KCNK13: variants seen among roughly 807,000 people sequenced by gnomAD.
KCNK13 encodes potassium two pore domain channel subfamily K member 13.
A neutral mutation model predicts 23.4 loss-of-function variants in KCNK13; 12 were observed. The observed-to-expected ratio is 0.51, with a 90% CI of 0.33 to 0.83. KCNK13 has a LOEUF of 0.83. KCNK13 is among the 40% of genes least tolerant of loss of function. KCNK13 has a pLI of 0.02. For synonymous variants in KCNK13, 231 were observed against 229.5 expected (o/e 1.01, Z -0.06); for missense variants, 463 against 556.3 (o/e 0.83, Z 1.69).
At chr14:90,151,486 T>A (rs1277718649) in intron 1 of KCNK13, among the ~76,000 whole-genome samples, 1 of 152,230 alleles carries the variant, frequency 6.6e-6, no homozygotes, top group African/African-American at 2.4e-5. Flanking sequence ...TTATCTGTTT[T>A]CTTGCTATTG....
intron 1 of KCNK13, among the ~76,000 whole-genome samples, chr14:90,133,439 C>G (rs1446155436): frequency 6.6e-6 from 1 of 151,914 alleles, no homozygotes; most frequent in African/African-American, 2.4e-5. Context: ...AGGGGTGATG[C>G]AAACGTTCAC....
chr14:90,104,773 G>A (rs1417194519), intron 1 of KCNK13, among the ~76,000 whole-genome samples: 2 of 147,476 alleles, frequency 1.4e-5, no homozygotes, highest in Admixed American at 6.8e-5. Flanking sequence ...TTGGGGATCA[G>A]CTACTTTCTT....
At chr14:90,128,961 C>G (rs773594459) in intron 1 of KCNK13, among the ~76,000 whole-genome samples, 18 of 152,166 alleles carry the variant, frequency 1.2e-4, no homozygotes, top group Admixed American at 7.2e-4. Flanking sequence ...CCTCCCCGCC[C>G]CCTAAGAGGG....
At chr14:90,168,172 G>A (rs919864322) in intron 1 of KCNK13, among the ~76,000 whole-genome samples, 3 of 152,092 alleles carry the variant, frequency 2.0e-5, no homozygotes, top group Non-Finnish European at 4.4e-5. Context: ...CCAGGAAGTC[G>A]AAGCCAGCCT....
intron 1 of KCNK13, among the ~76,000 whole-genome samples, chr14:90,175,541 G>A (rs1041544105): frequency 6.6e-6 from 1 of 152,160 alleles, no homozygotes; most frequent in East Asian, 1.9e-4. Context: ...GCCTCCTCTT[G>A]AAGCCCCTTT....
chr14:90,143,202 TCTTTC>T (rs1566644808), intron 1 of KCNK13, among the ~76,000 whole-genome samples: 1 of 131,012 alleles, frequency 7.6e-6, no homozygotes, highest in African/African-American at 2.7e-5. Context: ...TTCTTTCTTT[TCTTTC>T]TTTTCTTTTT....
chr14:90,072,544 CAG>C (rs1355707041), intron 1 of KCNK13, among the ~76,000 whole-genome samples: 1 of 152,150 alleles, frequency 6.6e-6, no homozygotes, highest in Non-Finnish European at 1.5e-5. Flanking sequence ...GGAGGGAGGA[CAG>C]GGAGCGCATA....
intron 1 of KCNK13, among the ~76,000 whole-genome samples, chr14:90,095,313 A>G (rs965674766): frequency 3.9e-5 from 6 of 152,208 alleles, no homozygotes; most frequent in African/African-American, 1.4e-4. Flanking sequence ...CTCCTAGGAA[A>G]CTAAAAAAAA....
chr14:90,107,765 G>A, intron 1 of KCNK13: 1 of 822,828 alleles, frequency 1.2e-6, no homozygotes, highest in South Asian at 1.3e-5. Flanking sequence ...GAGGACCCAA[G>A]AGATCCTCAG....
intron 1 of KCNK13, among the ~76,000 whole-genome samples, chr14:90,107,472 C>T (rs1253778052): frequency 2.6e-5 from 4 of 152,172 alleles, no homozygotes; most frequent in East Asian, 1.9e-4. Context: ...TGTGAGACTC[C>T]GTCTCAAAAA....
chr14:90,068,036 G>A (rs117095991), intron 1 of KCNK13, among the ~76,000 whole-genome samples: 11 of 152,222 alleles, frequency 7.2e-5, no homozygotes, highest in Admixed American at 2.6e-4. Context: ...TTGCCCCAGC[G>A]CTTCAGGCCT....
intron 1 of KCNK13, among the ~76,000 whole-genome samples, chr14:90,090,646 T>C (rs1484970396): frequency 6.6e-6 from 1 of 152,234 alleles, no homozygotes; most frequent in Non-Finnish European, 1.5e-5. Context: ...GGTTTGGCTG[T>C]GTCCCCACCC....
chr14:90,181,100 C>T (rs1422412310), intron 1 of KCNK13, among the ~76,000 whole-genome samples: 1 of 152,172 alleles, frequency 6.6e-6, no homozygotes, highest in Non-Finnish European at 1.5e-5. Flanking sequence ...CATGATCCGC[C>T]CACCTCGGCC....
chr14:90,138,804 A>G (rs529312498), intron 1 of KCNK13, among the ~76,000 whole-genome samples: 2 of 152,144 alleles, frequency 1.3e-5, no homozygotes, highest in Non-Finnish European at 2.9e-5. Flanking sequence ...TTTCTTTCCA[A>G]TTTGCACAGA....
intron 1 of KCNK13, among the ~76,000 whole-genome samples, chr14:90,157,469 C>T (rs554139494): frequency 4.7e-4 from 71 of 152,250 alleles, no homozygotes; most frequent in African/African-American, 1.7e-3. Flanking sequence ...AGTCATAGCT[C>T]ACTGCAGCCT....
chr14:90,120,871 C>A (rs1472026352), intron 1 of KCNK13, among the ~76,000 whole-genome samples: 1 of 152,142 alleles, frequency 6.6e-6, no homozygotes, highest in Non-Finnish European at 1.5e-5. Flanking sequence ...TCATCCGAGA[C>A]AAGGCAAGTC....
At chr14:90,079,489 G>T (rs1048711030) in intron 1 of KCNK13, among the ~76,000 whole-genome samples, 3 of 152,120 alleles carry the variant, frequency 2.0e-5, no homozygotes, top group Non-Finnish European at 4.4e-5. Flanking sequence ...GGCTGGTGGG[G>T]TAGAGGGGCC....
intron 1 of KCNK13, among the ~76,000 whole-genome samples, chr14:90,072,690 AT>A (rs1889090388): frequency 6.6e-6 from 1 of 152,178 alleles, no homozygotes; most frequent in Admixed American, 6.5e-5. Flanking sequence ...AACTCTTCTG[AT>A]TTCTGCGACT....
At chr14:90,101,706 C>T (rs893030254) in intron 1 of KCNK13, among the ~76,000 whole-genome samples, 5 of 139,504 alleles carry the variant, frequency 3.6e-5, no homozygotes, top group African/African-American at 1.3e-4. Flanking sequence ...AGGAGAACTG[C>T]TTGAACCCAG....
Sources: allele counts gnomAD v4.1 joint callset (sites outside exome capture counted in the v4.1 genomes callset), GRCh38; gene constraint gnomAD v4.1.1; transcripts MANE v1.5; gene names NCBI Gene and HGNC (gene_info 2026-07-23, HGNC 2026-07-21).